The following ANKHD1 variants were observed in gnomAD, a reference collection of about 807,000 sequenced individuals.
ANKHD1 encodes the protein ankyrin repeat and KH domain containing 1, also known as ankyrin repeat and KH domain-containing protein 1.
In ANKHD1, 31 loss-of-function variants were observed where a neutral mutation model predicts 230.5. The observed-to-expected ratio is 0.13, with a 90% CI of 0.10 to 0.18. ANKHD1 has a LOEUF of 0.18. Ranked by LOEUF, ANKHD1 falls within the 10% of genes least tolerant of loss-of-function variation. ANKHD1 has a pLI of 1.00. For missense variants in ANKHD1, 2,256 were observed against 3,071.3 expected, an observed-to-expected ratio of 0.73 and a Z score of 6.27; for synonymous variants, 1,074 against 1,117.6, an observed-to-expected ratio of 0.96 and a Z score of 0.78.
chr5:140,464,621 C>T, intron 9 of ANKHD1, 46 bp from the exon 10 acceptor site: 1 of 1,464,820 alleles, frequency 6.8e-7, no homozygotes, highest in East Asian at 2.4e-5. Context: ...CTATCTAATA[C>T]AATTTTACAG....
intron 8 of ANKHD1, 129 bp downstream of exon 8, chr5:140,458,991 TATATGC>T (rs1277678377): frequency 0.02 from 372 of 18,750 alleles, 5 homozygotes; most frequent in Middle Eastern, 0.045. Flanking sequence ...CATATATATA[TATATGC>T]ATATATATAT....
intron 10 of ANKHD1, among the ~76,000 whole-genome samples, chr5:140,467,923 G>T (rs1348583654): frequency 1.3e-5 from 2 of 151,896 alleles, no homozygotes; most frequent in African/African-American, 4.8e-5. Flanking sequence ...TCTGTTTTGG[G>T]CTATAATAAT....
At chr5:140,439,267 T>G (rs1488348175) in intron 3 of ANKHD1, among the ~76,000 whole-genome samples, 1 of 152,204 alleles carries the variant, frequency 6.6e-6, no homozygotes, top group African/African-American at 2.4e-5. Context: ...TTGGGAATCA[T>G]TATACAAGTA....
intron 1 of ANKHD1, among the ~76,000 whole-genome samples, chr5:140,428,290 G>A (rs1772710207): frequency 6.6e-6 from 1 of 152,246 alleles, no homozygotes. Context: ...CAGGCTGCTG[G>A]GAGGTGGAGG....
chr5:140,410,990 T>A (rs1263100431), intron 1 of ANKHD1, among the ~76,000 whole-genome samples: 2 of 151,846 alleles, frequency 1.3e-5, no homozygotes, highest in Non-Finnish European at 2.9e-5. Flanking sequence ...TTAGAGCCCA[T>A]ACTGTTATTT....
At chr5:140,427,856 G>A (rs1319724965) in intron 1 of ANKHD1, among the ~76,000 whole-genome samples, 4 of 150,856 alleles carry the variant, frequency 2.7e-5, no homozygotes, top group Non-Finnish European at 5.9e-5. Context: ...GCTGCTGGGC[G>A]GAGGGGCTCC....
chr5:140,496,048 A>G (rs1300091383), intron 14 of ANKHD1, among the ~76,000 whole-genome samples: 1 of 152,086 alleles, frequency 6.6e-6, no homozygotes, highest in Non-Finnish European at 1.5e-5. Context: ...TTTTGCATTA[A>G]CTCTGCATTG....
chr5:140,537,311 A>G (rs1344394768), intron 30 of ANKHD1, 78 bp from the exon 31 acceptor site: 1 of 1,536,236 alleles, frequency 6.5e-7, no homozygotes, highest in Admixed American at 2.2e-5. Context: ...TATGTAATAA[A>G]ACAATAGAGA....
At chr5:140,407,867 G>A (rs78806971) in intron 1 of ANKHD1, among the ~76,000 whole-genome samples, 136 of 152,010 alleles carry the variant, frequency 8.9e-4, no homozygotes, top group African/African-American at 3.1e-3. Flanking sequence ...TGTGTGTGAC[G>A]GCCCTCTTTT....
chr5:140,535,927 G>C (rs1383914292), intron 30 of ANKHD1: 1 of 148,554 alleles, frequency 6.7e-6, no homozygotes, highest in Non-Finnish European at 1.5e-5. Context: ...ACCGCAAGTA[G>C]TTTTACAAAA....
At chr5:140,426,733 G>A (rs1028887913) in intron 1 of ANKHD1, among the ~76,000 whole-genome samples, 18 of 152,110 alleles carry the variant, frequency 1.2e-4, no homozygotes, top group African/African-American at 4.1e-4. Context: ...AGAGCATGCT[G>A]CCTTCAAGCA....
chr5:140,468,415 G>T (rs977575815), intron 10 of ANKHD1, among the ~76,000 whole-genome samples: 1 of 152,094 alleles, frequency 6.6e-6, no homozygotes, highest in African/African-American at 2.4e-5. Context: ...TCCAAAAATA[G>T]TTGAGCAATT....
intron 29 of ANKHD1, among the ~76,000 whole-genome samples, chr5:140,533,603 A>T (rs1753936199): frequency 6.6e-6 from 1 of 151,816 alleles, no homozygotes; most frequent in African/African-American, 2.4e-5. Context: ...CCTCTCAAGA[A>T]AAATAAATAA....
Position 140,507,798 on chromosome 5 carries a change from C to T in ANKHD1, c.3565C>T (p.Leu1189=). The T allele has an allele frequency of 6.2e-7, 1 of 1,614,026 alleles. No homozygotes were observed. The highest frequency in any genetic ancestry group is 8.5e-7 in the Non-Finnish European group (1 of 1,180,014). Residue 1189 remains leucine (L), a synonymous_variant, in exon 20 of 34, where the codon CTA becomes TTA. Transcript: ENST00000360839. This position sits in a 1 kb window ranked among gnomAD's most constrained non-coding sequence, Gnocchi z 4.1. ...TTCCCCCTTTAGGACTGGGAGTAAA[C>T]TAGGTATTTCTCCCCTGATGTTGGC... ...AEINSRTGSK[L]GISPLMLAAM...
chr5:140,526,814 G>A lies in ANKHD1; in HGVS notation c.4941-114G>A. 5.9e-6 allele frequency: 8 copies of A among 1,359,776 alleles called. No homozygotes were observed. In the South Asian group the frequency reaches 1.5e-4, roughly 26 times the overall value. The allele number at this position is 1,359,776 out of a possible 1,614,324, so 84.2% of individuals were successfully genotyped here. Reference sequence around the variant, plus strand: ...TTTTCTGACTCATTGATTATTTGATGTGCCAAAGTTTAATACGAATATTTC... The same window carrying A: ...TTTTCTGACTCATTGATTATTTGATATGCCAAAGTTTAATACGAATATTTC... On this transcript the variant is annotated intron_variant, in intron 26 of 33. Transcript: ENST00000360839.
intron 9 of ANKHD1, among the ~76,000 whole-genome samples, chr5:140,460,120 C>G (rs987335719): frequency 2.6e-5 from 4 of 151,978 alleles, no homozygotes; most frequent in Non-Finnish European, 5.9e-5. Context: ...TAAGTCTGTT[C>G]ATTTCTTGAC....
At chr5:140,458,999 T>TATATATATATATATATATATATGC (rs1775496178) in intron 8 of ANKHD1, 137 bp downstream of exon 8, 1 of 42,346 alleles carries the variant, frequency 2.4e-5, no homozygotes, top group Non-Finnish European at 4.1e-5. Flanking sequence ...TATATATGCA[T>TATATATATATATATATATATATGC]ATATATATAT....
At chr5:140,523,349 C>CT (rs1454436073) in intron 24 of ANKHD1, among the ~76,000 whole-genome samples, 1 of 151,960 alleles carries the variant, frequency 6.6e-6, no homozygotes, top group African/African-American at 2.4e-5. Flanking sequence ...CTCAAGCAAT[C>CT]TTTCCTCCTC....
chr5:140,439,332 G>T (rs553275758), intron 3 of ANKHD1, among the ~76,000 whole-genome samples: 1 of 152,088 alleles, frequency 6.6e-6, no homozygotes, highest in South Asian at 2.1e-4. Context: ...GGGTTCCCTG[G>T]TCTACATTGG....
Sources: allele counts gnomAD v4.1 joint callset (sites outside exome capture counted in the v4.1 genomes callset), GRCh38; gene constraint gnomAD v4.1.1; non-coding constraint Gnocchi (gnomAD v3.1); transcripts MANE v1.5; gene names NCBI Gene and HGNC (gene_info 2026-07-23, HGNC 2026-07-21).